The following LDAH variants were observed in gnomAD, a reference collection of about 807,000 sequenced individuals.
The protein encoded by LDAH is lipid droplet associated hydrolase, also known as lipid droplet-associated hydrolase.
A neutral mutation model predicts 29.6 loss-of-function variants in LDAH; 26 were observed. The ratio of observed to expected loss-of-function variants is 0.88; its 90% CI spans 0.64 to 1.22. The LOEUF (loss-of-function observed/expected upper bound fraction) is 1.22, where lower values mean the gene tolerates loss of function less well. Among genes scored for constraint, LDAH ranks in the 50% most tolerant of loss-of-function variants. The probability of loss-of-function intolerance (pLI) is 0.00; values close to 1 mark genes in which losing one functional copy is unlikely to be tolerated. For synonymous variants in LDAH, 117 were observed against 133.0 expected (o/e 0.88, Z 0.83); for missense variants, 344 against 387.3 (o/e 0.89, Z 0.94).
At chr2:20,771,971 C>G (rs1213927431) in intron 4 of LDAH, among the ~76,000 whole-genome samples, 1 of 152,168 alleles carries the variant, frequency 6.6e-6, no homozygotes, top group Non-Finnish European at 1.5e-5. Flanking sequence ...CACCACTATT[C>G]CTGCAAAAGC....
intron 5 of LDAH, among the ~76,000 whole-genome samples, chr2:20,706,576 T>C (rs756558668): frequency 4.9e-4 from 75 of 152,162 alleles, no homozygotes; most frequent in Non-Finnish European, 7.2e-4. Context: ...GTTTAAACTG[T>C]TATTGGTTCC....
In LDAH at chr2:20,798,780, A is replaced by T. The variant is rs115916641; in HGVS notation, c.154+2530T>A. ...AAGACAATAGATAACATCTAATATTAAAAACTCAGGAGAATTGCTTGAACC... is the reference window on the plus strand; with the variant it reads ...AAGACAATAGATAACATCTAATATTTAAAACTCAGGAGAATTGCTTGAACC... On this transcript the variant is annotated intron_variant, in intron 2 of 6. Transcript: ENST00000237822. Among the ~76,000 whole-genome samples, 139 of 152,028 alleles carry T rather than the reference A, an allele frequency of 9.1e-4. 1 individual carries two copies. Among genetic ancestry groups the T allele is most frequent in the African/African-American group, 3.1e-3 (127 of 41,504 alleles).
At chr2:20,713,317 T>A (rs1287534011) in intron 5 of LDAH, among the ~76,000 whole-genome samples, 6 of 152,098 alleles carry the variant, frequency 3.9e-5, no homozygotes, top group Admixed American at 2.0e-4. Flanking sequence ...AGAAATAAAA[T>A]CCTTTACAGA....
chr2:20,821,391 A>G (rs1433284482), intron 1 of LDAH, among the ~76,000 whole-genome samples: 1 of 152,238 alleles, frequency 6.6e-6, no homozygotes, highest in Admixed American at 6.5e-5. Context: ...GATAGACTGG[A>G]TTAAGAAAAT....
chr2:20,788,102 C>A (rs993254272), intron 3 of LDAH, among the ~76,000 whole-genome samples: 1 of 152,102 alleles, frequency 6.6e-6, no homozygotes, highest in Non-Finnish European at 1.5e-5. Flanking sequence ...GTTTTCCATA[C>A]TAAATTGTTT....
chr2:20,795,146 C>T (rs1011009723), intron 2 of LDAH, among the ~76,000 whole-genome samples: 8 of 152,212 alleles, frequency 5.3e-5, no homozygotes, highest in South Asian at 2.1e-4. Context: ...TAAACACACA[C>T]TTGAACATGC....
chr2:20,818,573 T>C (rs556769295), intron 1 of LDAH, among the ~76,000 whole-genome samples: 4 of 151,456 alleles, frequency 2.6e-5, no homozygotes, highest in South Asian at 2.1e-4. Flanking sequence ...ACTACTGCTT[T>C]TTTTTTTTGC....
chr2:20,801,167 T>C, intron 2 of LDAH, 143 bp downstream of exon 2: 1 of 757,426 alleles, frequency 1.3e-6, no homozygotes, highest in Non-Finnish European at 2.1e-6. Flanking sequence ...GTCAAAATAT[T>C]AAGGGTGGTT....
At chr2:20,744,344 G>A (rs1667427085) in intron 4 of LDAH, among the ~76,000 whole-genome samples, 1 of 151,750 alleles carries the variant, frequency 6.6e-6, no homozygotes, top group African/African-American at 2.4e-5. Context: ...GCAGTTAGGT[G>A]GGGGAAAGGG....
intron 1 of LDAH, among the ~76,000 whole-genome samples, chr2:20,814,473 A>AT (rs1407714450): frequency 6.6e-6 from 1 of 152,020 alleles, no homozygotes; most frequent in Non-Finnish European, 1.5e-5. Context: ...TTTTATTATT[A>AT]TTTTTGAGAT....
At chr2:20,734,099 T>C (rs147032772) in intron 5 of LDAH, among the ~76,000 whole-genome samples, 1,550 of 152,310 alleles carry the variant, frequency 0.01, 13 homozygotes, top group Non-Finnish European at 0.017. Context: ...AAATCTACTT[T>C]ATCTGATATT....
chr2:20,725,801 C>A (rs1443749165), intron 5 of LDAH, among the ~76,000 whole-genome samples: 1 of 152,164 alleles, frequency 6.6e-6, no homozygotes, highest in Admixed American at 6.6e-5. Context: ...CCTTTCTCCC[C>A]TTTCCCTTTC....
At chr2:20,736,660 C>T (rs1176503443) in intron 5 of LDAH, among the ~76,000 whole-genome samples, 1 of 152,066 alleles carries the variant, frequency 6.6e-6, no homozygotes, top group Non-Finnish European at 1.5e-5. Context: ...CTATAAAGGA[C>T]ATTTCCATTT....
chr2:20,794,194 T>C (rs1459090666), intron 2 of LDAH, among the ~76,000 whole-genome samples: 1 of 152,104 alleles, frequency 6.6e-6, no homozygotes, highest in Non-Finnish European at 1.5e-5. Context: ...CTCCTCTTTA[T>C]AAAACCATCA....
intron 5 of LDAH, among the ~76,000 whole-genome samples, chr2:20,709,420 A>G (rs1664537848): frequency 6.6e-6 from 1 of 152,164 alleles, no homozygotes; most frequent in Non-Finnish European, 1.5e-5. Flanking sequence ...GATGTTCAAC[A>G]TCATTAGTCA....
chr2:20,740,075 G>C lies in LDAH; in HGVS notation c.599C>G (p.Pro200Arg), dbSNP rs755845559. 7 of 1,613,920 alleles carry C rather than the reference G, an allele frequency of 4.3e-6. No homozygotes were observed. The East Asian group carries it at 6.7e-5, about 15-fold the overall frequency. The change falls in exon 5 of 7, where the codon CCG (proline) becomes CGG (arginine). Residue 200 changes from proline (P) to arginine (R), a missense_variant. By Grantham distance (103) the Pro-to-Arg change is moderately radical. Transcript: ENST00000237822. ...CAAGGACTTGATTGTCTCAGGACAC[G>C]GTTTCAATAATAAGTAGCCAGTAAC... is the stretch of plus-strand genomic sequence containing the variant. ...LYVTGYLLLK[P>R]CPETIKSLLI...
chr2:20,778,908 A>T (rs530777582), intron 3 of LDAH, among the ~76,000 whole-genome samples: 20 of 145,434 alleles, frequency 1.4e-4, no homozygotes, highest in Non-Finnish European at 2.5e-4. Context: ...TTAACTACAT[A>T]TTTAACTGCC....
At chr2:20,794,486 G>C (rs1671184299) in intron 2 of LDAH, among the ~76,000 whole-genome samples, 1 of 152,032 alleles carries the variant, frequency 6.6e-6, no homozygotes, top group African/African-American at 2.4e-5. Flanking sequence ...AACAAAGATG[G>C]AAAAATTCTA....
chr2:20,710,242 A>T (rs1002670650), intron 5 of LDAH, among the ~76,000 whole-genome samples: 1 of 152,182 alleles, frequency 6.6e-6, no homozygotes, highest in African/African-American at 2.4e-5. Context: ...ATCAGGAAAG[A>T]GAGAGGTGAC....
Sources: allele counts gnomAD v4.1 joint callset (sites outside exome capture counted in the v4.1 genomes callset), GRCh38; gene constraint gnomAD v4.1.1; transcripts MANE v1.5; gene names NCBI Gene and HGNC (gene_info 2026-07-23, HGNC 2026-07-21).